Variants in EBF4 observed in about 807,000 individuals in gnomAD.
EBF4 encodes the protein transcription factor COE4.
In EBF4, 34 loss-of-function variants were observed where a neutral mutation model predicts 67.1. The ratio of observed to expected loss-of-function variants is 0.51; its 90% CI spans 0.39 to 0.67. The LOEUF (loss-of-function observed/expected upper bound fraction) is 0.67, where lower values mean the gene tolerates loss of function less well. EBF4 is among the 30% of genes least tolerant of loss of function. EBF4 has a pLI of 0.00. For missense variants in EBF4, 837 were observed against 873.3 expected (o/e 0.96, Z 0.52); for synonymous variants, 387 against 377.7 (o/e 1.02, Z -0.29).
At chr20:2,754,471 C>A (rs1299229226) in intron 14 of EBF4, among the ~76,000 whole-genome samples, 2 of 152,196 alleles carry the variant, frequency 1.3e-5, no homozygotes, top group Non-Finnish European at 2.9e-5. Flanking sequence ...GTCTCAAGCC[C>A]TTCATCGGGC....
intron 14 of EBF4, among the ~76,000 whole-genome samples, chr20:2,753,737 G>A (rs1600246749): frequency 6.6e-6 from 1 of 152,332 alleles, no homozygotes; most frequent in Admixed American, 6.5e-5. Context: ...CAGGGCGTGT[G>A]TCCTGCCTGC....
upstream of EBF4, chr20:2,693,203 G>A (rs1220960950): frequency 4.5e-5 from 7 of 154,622 alleles, no homozygotes; most frequent in Non-Finnish European, 9.8e-5. This position sits in a 1 kb window ranked among gnomAD's most constrained non-coding sequence, Gnocchi z 4.6. Flanking sequence ...GGAGGTGGGG[G>A]CGGCGAGGGG....
At position 2,739,021 on chromosome 20, in the gene EBF4, G is replaced by A. The variant is rs1270506784; in HGVS notation, c.558-9528G>A. On this transcript the variant is annotated intron_variant, in intron 6 of 16. Coordinates refer to ENST00000609451, the Ensembl canonical transcript of EBF4. This position sits in a 1 kb window ranked among gnomAD's most constrained non-coding sequence, Gnocchi z 4.5. The stretch of plus-strand genomic sequence containing the variant: ...GGGAGGCCAGGTCCAGGCCTGGCAG[G>A]TGGCTGTGGCCCTGGGGACAGTCTA... Among the ~76,000 whole-genome samples the A allele has an allele frequency of 6.6e-6, 1 of 152,176 alleles. No individual in the cohort carries two copies. Among genetic ancestry groups the A allele is most frequent in the Non-Finnish European group, 1.5e-5 (1 of 68,036 alleles).
chr20:2,693,720 G>C lies in EBF4; in HGVS notation c.75G>C (p.Leu25=), dbSNP rs1286654339. 7.1e-7 allele frequency: 1 copy of C among 1,404,008 alleles called. No individual in the cohort carries two copies. The highest frequency in any genetic ancestry group is 9.2e-7 in the Non-Finnish European group (1 of 1,085,362). The allele number at this position is 1,404,008 out of a possible 1,614,324, so 87.0% of individuals were successfully genotyped here. A position where few individuals can be genotyped will look rare whatever the true frequency, so the allele number is the denominator to read the frequency against. Residue 25 remains leucine, a synonymous_variant, in exon 1 of 17, where the codon CTG becomes CTC. Coordinates refer to ENST00000609451, the Ensembl canonical transcript of EBF4. The surrounding 1 kb of genome is among the most constrained non-coding windows in gnomAD (Gnocchi z 4.6). ...AGGAGCCGCTGCTGCCCGCCGGCCT[G>C]GGCTCAGTGCGCTCCTGGATGCAGG...
At chr20:2,733,886 A>G (rs909933173) in intron 6 of EBF4, among the ~76,000 whole-genome samples, 2 of 152,082 alleles carry the variant, frequency 1.3e-5, no homozygotes, top group Non-Finnish European at 2.9e-5. Flanking sequence ...TTCAAAGCCA[A>G]CCTGGGCTGC....
chr20:2,707,526 C>G lies in EBF4; in HGVS notation c.415-421C>G, dbSNP rs1220327915. Among the ~76,000 whole-genome samples the G allele has an allele frequency of 2.6e-5, 4 of 151,938 alleles. No homozygotes were observed. Among genetic ancestry groups the G allele is most frequent in the Non-Finnish European group, 1.5e-5 (1 of 67,968 alleles). On this transcript the variant is annotated intron_variant, in intron 4 of 16. Transcript: ENST00000609451. The surrounding 1 kb of genome is among the most constrained non-coding windows in gnomAD (Gnocchi z 4.6). The stretch of plus-strand genomic sequence containing the variant: ...GCAGGGATAGCTGAGAAGGACAACA[C>G]TCATCAACAGAAGCAGAGGTCCGTC...
rs534906000 is a variant in EBF4, at chr20:2,730,968, G to T, written c.558-17581G>T. Among the ~76,000 whole-genome samples the T allele has an allele frequency of 1.4e-3, 210 of 152,176 alleles. 1 individual carries two copies. The highest frequency in any genetic ancestry group is 6.2e-3 in the Admixed American group (95 of 15,284). ...GGCTGGAGTGCAGTGGCGCAATCTC[G>T]GCTCACTGCAACCTCCACCTCCAGG... On this transcript the variant is annotated intron_variant, in intron 6 of 16. Coordinates refer to ENST00000609451, the Ensembl canonical transcript of EBF4.
chr20:2,725,449 T>C (rs1217218517), intron 6 of EBF4, among the ~76,000 whole-genome samples: 1 of 152,358 alleles, frequency 6.6e-6, no homozygotes, highest in East Asian at 1.9e-4. Flanking sequence ...TCTTGCTTGC[T>C]CATATTTCTA....
At chr20:2,710,978 C>G (rs2087535419) in intron 6 of EBF4, among the ~76,000 whole-genome samples, 1 of 151,826 alleles carries the variant, frequency 6.6e-6, no homozygotes, top group Non-Finnish European at 1.5e-5. Context: ...CCCATCTCAA[C>G]AAAAAATACA....
rs986333984 is a variant in EBF4 at position 2,751,094 on chromosome 20, G to C, written c.1019-606G>C. Among the ~76,000 whole-genome samples, 1 of 151,990 alleles carries C rather than the reference G, an allele frequency of 6.6e-6. No homozygotes were observed. The highest frequency in any genetic ancestry group is 1.5e-5 in the Non-Finnish European group (1 of 67,986). On this transcript the variant is annotated intron_variant, in intron 10 of 16. Transcript: ENST00000609451. This position sits in a 1 kb window ranked among gnomAD's most constrained non-coding sequence, Gnocchi z 5.2. ...ACGCGCATACACACACACACCCCTT[G>C]CACAACGCCAGGGTAAGCAGTGAAC...
chr20:2,731,431 A>C (rs1209333734), intron 6 of EBF4, among the ~76,000 whole-genome samples: 1 of 152,188 alleles, frequency 6.6e-6, no homozygotes, highest in Non-Finnish European at 1.5e-5. Context: ...AAAAGGGGAT[A>C]GAAGAAATAG....
chr20:2,732,823 A>AGT (rs371511512), intron 6 of EBF4, among the ~76,000 whole-genome samples: 1 of 137,890 alleles, frequency 7.3e-6, no homozygotes, highest in Admixed American at 7.3e-5. Flanking sequence ...TCTTTTTCTT[A>AGT]TTTTTTTTTG....
chr20:2,720,060 T>C (rs1435283861), intron 6 of EBF4, among the ~76,000 whole-genome samples: 1 of 152,238 alleles, frequency 6.6e-6, no homozygotes, highest in Non-Finnish European at 1.5e-5. Context: ...AATTTGAAAA[T>C]TCATTGTTAG....
In EBF4 at chr20:2,696,092, T is replaced by A. The variant is rs1424168552; in HGVS notation, c.137+2310T>A. ...GTGCCTAGCCCCAGCCATTCACCAC[T>A]CCCCTAAAACCATCTTCCCTGCATT... On this transcript the variant is annotated intron_variant, in intron 1 of 16. Coordinates refer to ENST00000609451, the Ensembl canonical transcript of EBF4. The surrounding 1 kb of genome is among the most constrained non-coding windows in gnomAD (Gnocchi z 4.7). 6.6e-6 allele frequency among the ~76,000 whole-genome samples: 1 copy of A among 152,132 alleles called. No homozygotes were observed. The highest frequency in any genetic ancestry group is 1.5e-5 in the Non-Finnish European group (1 of 68,030).
In EBF4 at chr20:2,707,283, TGGGGGAA is replaced by T. The variant is rs1290357884; in HGVS notation, c.415-661_415-655del. ...TCCACAGAGAGAGGGATCCCACAAA[TGGGGGAA>T]GGCACAGAGGGTTATAAACTAGGAA... On this transcript the variant is annotated intron_variant, in intron 4 of 16. Transcript: ENST00000609451. The surrounding 1 kb of genome is among the most constrained non-coding windows in gnomAD (Gnocchi z 4.6). Among the ~76,000 whole-genome samples, 1 of 151,098 alleles carries T rather than the reference TGGGGGAA, an allele frequency of 6.6e-6. No individual in the cohort carries two copies. The highest frequency in any genetic ancestry group is 2.4e-5 in the African/African-American group (1 of 41,004).
intron 14 of EBF4, among the ~76,000 whole-genome samples, chr20:2,753,423 A>G (rs2088188684): frequency 6.6e-6 from 1 of 152,250 alleles, no homozygotes. Context: ...ATCAAGTTCC[A>G]GATCAGCATG....
Position 2,739,824 on chromosome 20 carries a change from T to C in EBF4, c.558-8725T>C, listed in dbSNP as rs1204984549. Reference sequence around the variant, plus strand: ...CCATCTCAGGCTGCAGTGCCAGCTTTGGGCTTGGAAACACATATCCAATTT... The same window carrying C: ...CCATCTCAGGCTGCAGTGCCAGCTTCGGGCTTGGAAACACATATCCAATTT... On this transcript the variant is annotated intron_variant, in intron 6 of 16. Coordinates refer to ENST00000609451, the Ensembl canonical transcript of EBF4. This position sits in a 1 kb window ranked among gnomAD's most constrained non-coding sequence, Gnocchi z 4.5. Among the ~76,000 whole-genome samples, 4 of 152,254 alleles carry C rather than the reference T, an allele frequency of 2.6e-5. No homozygotes were observed. Among genetic ancestry groups the C allele is most frequent in the African/African-American group, 4.8e-5 (2 of 41,468 alleles).
chr20:2,729,425 A>T (rs1267684756), intron 6 of EBF4, among the ~76,000 whole-genome samples: 9 of 152,186 alleles, frequency 5.9e-5, no homozygotes, highest in African/African-American at 2.2e-4. Context: ...CTTGCTGATA[A>T]ACTTCACAAG....
chr20:2,749,820 C>G, intron 9 of EBF4, 27 bp from the exon 10 acceptor site: 1 of 1,544,604 alleles, frequency 6.5e-7, no homozygotes, highest in Non-Finnish European at 8.7e-7. Context: ...GGTGCGGGAC[C>G]TGCAGGCCTC....
Sources: gnomAD v4.1 joint callset for allele counts (sites outside exome capture counted in the v4.1 genomes callset) on GRCh38, gnomAD v4.1.1 for gene constraint, Gnocchi (gnomAD v3.1) non-coding constraint, MANE v1.5 for transcripts, NCBI Gene and HGNC (gene_info 2026-07-23, HGNC 2026-07-21) for gene names.